AKAP13: variants seen among roughly 807,000 people sequenced by gnomAD.
AKAP13 encodes A-kinase anchoring protein 13.
Under a neutral mutation model 264.5 loss-of-function variants are expected in AKAP13, and 80 were observed. That is an observed-to-expected ratio of 0.30 (90% confidence interval 0.25 to 0.36). AKAP13 has a LOEUF of 0.36. Ranked by LOEUF, AKAP13 falls within the 10% of genes least tolerant of loss-of-function variation. AKAP13 has a pLI of 1.00. For synonymous variants in AKAP13, 1,380 were observed against 1,250.2 expected (o/e 1.10, Z -2.19); for missense variants, 3,712 against 3,435.2 (o/e 1.08, Z -2.01).
At chr15:85,388,696 G>A (rs773980158) in intron 1 of AKAP13, among the ~76,000 whole-genome samples, 2 of 152,184 alleles carry the variant, frequency 1.3e-5, no homozygotes, top group South Asian at 2.1e-4. Flanking sequence ...TCATTTAGTC[G>A]TGATGTATTA....
intron 8 of AKAP13, among the ~76,000 whole-genome samples, chr15:85,599,371 T>C (rs1293663600): frequency 6.6e-6 from 1 of 152,200 alleles, no homozygotes; most frequent in East Asian, 1.9e-4. Context: ...TTCTGTAGGA[T>C]TTGAAAAAGA....
intron 1 of AKAP13, among the ~76,000 whole-genome samples, chr15:85,408,410 A>G (rs1030900514): frequency 2.0e-5 from 3 of 151,752 alleles, no homozygotes; most frequent in African/African-American, 7.3e-5. Context: ...AGTCATCACC[A>G]CTGTCCATTT....
At position 85,655,475 on chromosome 15, in the gene AKAP13, C is replaced by G; in HGVS notation, c.4433C>G (p.Thr1478Arg). The G allele has an allele frequency of 6.2e-7, 1 of 1,614,198 alleles. No individual in the cohort carries two copies. Among genetic ancestry groups the G allele is most frequent in the South Asian group, 1.1e-5 (1 of 91,086 alleles). The part of the protein sequence containing the change: ...ITGSSSSTDD[T>R]ASLDRHSSHG... The stretch of plus-strand genomic sequence containing the variant: ...GGATCCAGTTCATCCACCGATGACA[C>G]GGCTTCACTGGACCGACATTCTTCT... Residue 1478 changes from threonine (T) to arginine (R), a missense_variant, in exon 11 of 37, where the codon ACG becomes AGG. By Grantham distance (71) the Thr-to-Arg change is moderately conservative. This residue lies in a region of AKAP13 where 2,759 missense variants were observed against 2,411.7 expected (regional missense o/e 1.14). Transcript: ENST00000394518.
At chr15:85,492,728 T>C (rs2075765482) in intron 2 of AKAP13, among the ~76,000 whole-genome samples, 1 of 152,212 alleles carries the variant, frequency 6.6e-6, no homozygotes, top group South Asian at 2.1e-4. Flanking sequence ...CCTTTTTCAA[T>C]CCAGGATTTA....
chr15:85,610,252 T>C (rs1436476800), intron 8 of AKAP13, among the ~76,000 whole-genome samples: 6 of 152,236 alleles, frequency 3.9e-5, no homozygotes, highest in Non-Finnish European at 8.8e-5. Flanking sequence ...AGTTTGTTCT[T>C]ATTTCCATAG....
chr15:85,606,116 T>TTTTTTTTTG (rs1397739820), intron 8 of AKAP13, among the ~76,000 whole-genome samples: 1 of 141,664 alleles, frequency 7.1e-6, no homozygotes, highest in African/African-American at 2.8e-5. Flanking sequence ...TTTTTTTTTT[T>TTTTTTTTTG]GTTGAGATGT....
chr15:85,422,691 T>G (rs191700068), intron 1 of AKAP13, among the ~76,000 whole-genome samples: 1 of 152,238 alleles, frequency 6.6e-6, no homozygotes, highest in African/African-American at 2.4e-5. Flanking sequence ...AATCCAACTC[T>G]CTTGTGAATA....
intron 26 of AKAP13, 79 bp from the exon 27 acceptor site, chr15:85,726,331 C>T (rs2087614577): frequency 5.0e-6 from 6 of 1,205,572 alleles, no homozygotes; most frequent in Non-Finnish European, 6.0e-6. Flanking sequence ...AAACACCCTT[C>T]AATAAAAAAC....
Position 85,533,697 on chromosome 15 carries a change from G to A in AKAP13, c.295G>A (p.Ala99Thr). 6.2e-7 allele frequency: 1 copy of A among 1,614,210 alleles called. No individual in the cohort carries two copies. Among genetic ancestry groups the A allele is most frequent in the South Asian group, 1.1e-5 (1 of 91,088 alleles). Reference sequence around the variant, plus strand: ...TTTCGTCCAGGATGAAGCGTATGATGCAGCTCAATTCCTAGCAACCAGTGC... The same window carrying A: ...TTTCGTCCAGGATGAAGCGTATGATACAGCTCAATTCCTAGCAACCAGTGC... ...FHFVQDEAYD[A>T]AQFLATSAGN... Residue 99 changes from alanine (A) to threonine (T), a missense_variant, in exon 4 of 37, where the codon GCA (alanine) becomes ACA (threonine). Coordinates refer to ENST00000394518, the MANE Select transcript of AKAP13 (RefSeq NM_007200.5).
At chr15:85,557,774 C>G (rs920822223) in intron 5 of AKAP13, among the ~76,000 whole-genome samples, 1 of 152,168 alleles carries the variant, frequency 6.6e-6, no homozygotes, top group Non-Finnish European at 1.5e-5. Flanking sequence ...CATGCCCACA[C>G]GACAGAACCT....
chr15:85,671,449 AAAAAAAAAAG>A (rs1027359006), intron 14 of AKAP13, among the ~76,000 whole-genome samples: 1 of 141,460 alleles, frequency 7.1e-6, no homozygotes, highest in African/African-American at 2.7e-5. Context: ...AAAAAAAAAA[AAAAAAAAAAG>A]AGAGAGAGAG....
At chr15:85,464,206 T>G (rs2074637431) in intron 1 of AKAP13, among the ~76,000 whole-genome samples, 1 of 152,182 alleles carries the variant, frequency 6.6e-6, no homozygotes, top group Non-Finnish European at 1.5e-5. Context: ...ATATCTCCCT[T>G]CCCTGTCCCT....
intron 5 of AKAP13, among the ~76,000 whole-genome samples, chr15:85,546,867 C>G (rs773158899): frequency 3.6e-4 from 55 of 152,040 alleles, no homozygotes; most frequent in Non-Finnish European, 6.9e-4. Flanking sequence ...CCTCAGCCTC[C>G]TGAGTAGCTG....
chr15:85,511,417 G>T (rs1363378006), intron 2 of AKAP13, among the ~76,000 whole-genome samples: 1 of 152,112 alleles, frequency 6.6e-6, no homozygotes, highest in Non-Finnish European at 1.5e-5. Context: ...AGCTTGCCCT[G>T]TTACCTACCT....
rs779976863 is a variant in AKAP13, at chr15:85,579,268, C to T, written c.1200C>T (p.Cys400=). ...GAACTGTATCTGATCAAGACAGCTG[C>T]CTTCAGAGCTTGCCTGATTGTGGAG... The part of the protein sequence containing the change: ...DSGTVSDQDS[C]LQSLPDCGVK... The change falls in exon 7 of 37, where the codon TGC becomes TGT. Residue 400 remains cysteine, a synonymous_variant. Transcript: ENST00000394518. 1.2e-6 allele frequency: 2 copies of T among 1,614,224 alleles called. No homozygotes were observed. The highest frequency in any genetic ancestry group is 1.1e-5 in the South Asian group (1 of 91,086).
At chr15:85,558,016 C>T (rs375418424) in intron 5 of AKAP13, among the ~76,000 whole-genome samples, 1 of 152,162 alleles carries the variant, frequency 6.6e-6, no homozygotes, top group Non-Finnish European at 1.5e-5. Context: ...TGCTATGCCT[C>T]TTATCTCTTC....
At chr15:85,717,524 C>T in intron 21 of AKAP13, 122 bp downstream of exon 21, 1 of 714,260 alleles carries the variant, frequency 1.4e-6, no homozygotes, top group Non-Finnish European at 2.3e-6. Flanking sequence ...TGAAGATTCT[C>T]TAAATTGTCA....
chr15:85,539,602 T>TA (rs2077517340), intron 4 of AKAP13, among the ~76,000 whole-genome samples: 2 of 152,208 alleles, frequency 1.3e-5, no homozygotes, highest in Admixed American at 1.3e-4. Context: ...TTATAAAAGA[T>TA]ACAACCCTCT....
At position 85,664,719 on chromosome 15, in the gene AKAP13, G is replaced by A; in HGVS notation, c.4956G>A (p.Glu1652=). The change falls in exon 13 of 37, where the codon GAG becomes GAA. Residue 1652 remains glutamate, a synonymous_variant. Coordinates refer to ENST00000394518, the MANE Select transcript of AKAP13 (RefSeq NM_007200.5). ...SLVSLSEEDL[E]SDQREHRMFD... is the part of the protein sequence containing the mutation. Reference sequence around the variant, plus strand: ...TGTCACTTTCAGAAGAGGATCTGGAGTCAGACCAGAGAGAACATAGGATGT... The same window carrying A: ...TGTCACTTTCAGAAGAGGATCTGGAATCAGACCAGAGAGAACATAGGATGT... The A allele has an allele frequency of 6.2e-7, 1 of 1,614,050 alleles. No homozygotes were observed.
Sources: allele counts gnomAD v4.1 joint callset (sites outside exome capture counted in the v4.1 genomes callset), GRCh38; gene constraint gnomAD v4.1.1; regional missense constraint gnomAD v4.1.1; transcripts MANE v1.5; gene names NCBI Gene and HGNC (gene_info 2026-07-23, HGNC 2026-07-21).